The following CSMD1 variants were observed in gnomAD, a reference collection of about 807,000 sequenced individuals.
CSMD1 encodes CUB and sushi domain-containing protein 1.
Under a neutral mutation model 417.5 loss-of-function variants are expected in CSMD1, and 213 were observed. The ratio of observed to expected loss-of-function variants is 0.51; its 90% CI spans 0.46 to 0.57. CSMD1 has a LOEUF of 0.57. CSMD1 is among the 20% of genes least tolerant of loss of function. The pLI is 0.00. For synonymous variants in CSMD1, 2,862 were observed against 1,736.8 expected (o/e 1.65, Z -16.11); for missense variants, 6,923 against 4,529.7 (o/e 1.53, Z -15.17).
intron 3 of CSMD1, among the ~76,000 whole-genome samples, chr8:4,112,877 A>G (rs555477770): frequency 1.3e-5 from 2 of 152,342 alleles, no homozygotes; most frequent in Admixed American, 1.3e-4. Context: ...GAAGGCTTGT[A>G]CCAACGTGGC....
chr8:3,306,663 CAGAAAGGTTA>C (rs1213502721), intron 25 of CSMD1, among the ~76,000 whole-genome samples: 1 of 152,000 alleles, frequency 6.6e-6, no homozygotes, highest in Non-Finnish European at 1.5e-5. Flanking sequence ...AACAATGAAA[CAGAAAGGTTA>C]ATTGAAGGAA....
rs905068609 is a variant in CSMD1, at chr8:4,196,189, C to A, written c.416-164090G>T. On this transcript the variant is annotated intron_variant, in intron 3 of 69. Coordinates refer to ENST00000635120, the MANE Select transcript of CSMD1 (RefSeq NM_033225.6). The stretch of plus-strand genomic sequence containing the variant: ...TCGCGCCACTGCACTCCAGCCTGGG[C>A]GACGGAGCAAGACTCCGTTTCAAAA... Among the ~76,000 whole-genome samples the A allele has an allele frequency of 2.0e-5, 3 of 152,056 alleles. 1 individual carries two copies. Among genetic ancestry groups the A allele is most frequent in the Middle Eastern group, 3.4e-3 (1 of 294 alleles).
chr8:3,206,268 G>C (rs1225695852), intron 30 of CSMD1, among the ~76,000 whole-genome samples: 1 of 96,674 alleles, frequency 1.0e-5, no homozygotes, highest in Non-Finnish European at 2.0e-5. Context: ...TGTGTGGGGG[G>C]GTATGTCTCT....
intron 1 of CSMD1, among the ~76,000 whole-genome samples, chr8:4,770,854 C>G (rs1796564975): frequency 6.6e-6 from 1 of 152,004 alleles, no homozygotes; most frequent in Non-Finnish European, 1.5e-5. Flanking sequence ...CCATGAAAAT[C>G]CCAGAATACA....
At chr8:4,664,816 T>A (rs1486555416) in intron 1 of CSMD1, among the ~76,000 whole-genome samples, 1 of 152,090 alleles carries the variant, frequency 6.6e-6, no homozygotes, top group East Asian at 1.9e-4. Flanking sequence ...TGAGGGAAAA[T>A]CTTCTTTGTA....
rs867056697 is a variant in CSMD1 at position 3,714,675 on chromosome 8, T to C, written c.932-6184A>G. Among the ~76,000 whole-genome samples the C allele has an allele frequency of 2.0e-5, 3 of 151,716 alleles. No individual in the cohort carries two copies. The South Asian group carries it at 6.2e-4, about 32-fold the overall frequency. ...TTGCTTGAACCCCGGAGGCAGAGTT[T>C]GCAGTGAGCCGAAACGGTGCCACTG... On this transcript the variant is annotated intron_variant, in intron 6 of 69. Coordinates refer to ENST00000635120, the MANE Select transcript of CSMD1 (RefSeq NM_033225.6).
intron 3 of CSMD1, among the ~76,000 whole-genome samples, chr8:4,390,390 A>C (rs540098685): frequency 6.6e-6 from 1 of 152,324 alleles, no homozygotes; most frequent in Admixed American, 6.5e-5. Context: ...AATGTTGTCA[A>C]TGTAACAGGA....
chr8:4,347,973 A>C (rs1311768772), intron 3 of CSMD1, among the ~76,000 whole-genome samples: 1 of 152,184 alleles, frequency 6.6e-6, no homozygotes, highest in Admixed American at 6.5e-5. Flanking sequence ...TATACACGGG[A>C]AGCACTACAC....
chr8:4,853,180 G>T (rs189319994), intron 1 of CSMD1, among the ~76,000 whole-genome samples: 7 of 152,152 alleles, frequency 4.6e-5, no homozygotes, highest in African/African-American at 1.7e-4. Flanking sequence ...GACTAAAAGG[G>T]ACCCAGGTGC....
chr8:3,307,665 A>C (rs773762258), intron 25 of CSMD1, 30 bp downstream of exon 25: 1 of 1,607,604 alleles, frequency 6.2e-7, no homozygotes, highest in African/African-American at 1.3e-5. Flanking sequence ...CTCTTTTCTC[A>C]AATCACTGAA....
At chr8:4,470,442 G>A (rs1400502140) in intron 2 of CSMD1, among the ~76,000 whole-genome samples, 2 of 152,320 alleles carry the variant, frequency 1.3e-5, no homozygotes, top group African/African-American at 2.4e-5. Flanking sequence ...GTGCTGCTAT[G>A]TAGACAGGTT....
At chr8:4,586,599 C>T (rs1799712787) in intron 2 of CSMD1, among the ~76,000 whole-genome samples, 1 of 152,058 alleles carries the variant, frequency 6.6e-6, no homozygotes, top group Non-Finnish European at 1.5e-5. Context: ...TTCTCTAGGA[C>T]TTTTGGATAA....
chr8:4,456,495 T>C (rs1296110947), intron 2 of CSMD1, among the ~76,000 whole-genome samples: 2 of 152,056 alleles, frequency 1.3e-5, no homozygotes, highest in Non-Finnish European at 2.9e-5. Context: ...CTTTGGAAAA[T>C]TGTAGGTTCT....
intron 26 of CSMD1, among the ~76,000 whole-genome samples, chr8:3,242,331 C>G (rs34295060): frequency 6.7e-6 from 1 of 148,740 alleles, no homozygotes; most frequent in Non-Finnish European, 1.5e-5. Context: ...AAAAGGAAGA[C>G]TAGAAAGACT....
At chr8:3,605,851 T>C (rs570464011) in intron 8 of CSMD1, among the ~76,000 whole-genome samples, 1 of 152,204 alleles carries the variant, frequency 6.6e-6, no homozygotes, top group Non-Finnish European at 1.5e-5. Context: ...GTTAATCTAT[T>C]CTCTGATGAG....
chr8:3,201,815 C>A, intron 31 of CSMD1, 90 bp from the exon 32 acceptor site: 3 of 586,352 alleles, frequency 5.1e-6, no homozygotes, highest in Non-Finnish European at 8.8e-6. Context: ...ATTAATTGCC[C>A]CAATGGATCA....
chr8:4,164,675 A>G (rs1168118911), intron 3 of CSMD1, among the ~76,000 whole-genome samples: 7 of 152,138 alleles, frequency 4.6e-5, no homozygotes, highest in Non-Finnish European at 1.0e-4. Flanking sequence ...TTTTGAGAAT[A>G]TAAGATTTTA....
intron 1 of CSMD1, among the ~76,000 whole-genome samples, chr8:4,863,282 G>A (rs748693534): frequency 3.3e-5 from 5 of 151,836 alleles, no homozygotes; most frequent in Non-Finnish European, 4.4e-5. Flanking sequence ...TTTTTAGAAC[G>A]GCGCATGGTA....
At chr8:4,599,364 A>AT (rs992413793) in intron 2 of CSMD1, among the ~76,000 whole-genome samples, 89 of 149,378 alleles carry the variant, frequency 6.0e-4, no homozygotes, top group Middle Eastern at 3.5e-3. Flanking sequence ...CCCTGGAAGA[A>AT]TTTTTTTTTT....
Sources: gnomAD v4.1 joint callset for allele counts (sites outside exome capture counted in the v4.1 genomes callset) on GRCh38, gnomAD v4.1.1 for gene constraint, MANE v1.5 for transcripts, NCBI Gene and HGNC (gene_info 2026-07-23, HGNC 2026-07-21) for gene names.